SERPINA12: variants seen among roughly 807,000 people sequenced by gnomAD.
SERPINA12 encodes serpin family A member 12.
In SERPINA12, 21 loss-of-function variants were observed where a neutral mutation model predicts 25.9. The observed-to-expected ratio is 0.81, with a 90% CI of 0.58 to 1.17. The LOEUF is 1.17. Among genes scored for constraint, SERPINA12 ranks in the 50% most tolerant of loss-of-function variants. SERPINA12 has a pLI of 0.00. For synonymous variants in SERPINA12, 220 were observed against 196.0 expected, an observed-to-expected ratio of 1.12 and a Z score of -1.02; for missense variants, 562 against 508.3, an observed-to-expected ratio of 1.11 and a Z score of -1.02.
intron 1 of SERPINA12, among the ~76,000 whole-genome samples, chr14:94,499,730 C>T (rs56159143): frequency 0.029 from 4,448 of 152,180 alleles, 227 homozygotes; most frequent in African/African-American, 0.1. Flanking sequence ...CAGTTGTCTT[C>T]CCTGTAGGGA....
chr14:94,515,874 A>G (rs1901220183), exon 2 of SERPINA12: 1 of 152,232 alleles, frequency 6.6e-6, no homozygotes, highest in Admixed American at 6.5e-5. Context: ...TCGTCTGCTG[A>G]ATTTGGATAA....
rs147963234 is a variant in SERPINA12, at chr14:94,497,263, A to G, written c.634+501T>C. Among the ~76,000 whole-genome samples, 14 of 152,362 alleles carry G rather than the reference A, an allele frequency of 9.2e-5. No homozygotes were observed. The East Asian group carries it at 2.7e-3, about 29-fold the overall frequency. ...ATAAAGTCTGATAAGGAGAATTTATATAATACATACATAAGGAGACCCACC... is the reference window on the plus strand; with the variant it reads ...ATAAAGTCTGATAAGGAGAATTTATGTAATACATACATAAGGAGACCCACC... On this transcript the variant is annotated intron_variant, in intron 2 of 4. Coordinates refer to ENST00000677451, the MANE Select transcript of SERPINA12 (RefSeq NM_001382267.1).
upstream of SERPINA12, among the ~76,000 whole-genome samples, chr14:94,510,700 C>T (rs1410348832): frequency 6.6e-6 from 1 of 152,124 alleles, no homozygotes; most frequent in Non-Finnish European, 1.5e-5. Flanking sequence ...ACCTAAGTGC[C>T]CATCAAACAA....
chr14:94,508,844 C>A (rs1901023322), intron 1 of SERPINA12, among the ~76,000 whole-genome samples: 1 of 152,110 alleles, frequency 6.6e-6, no homozygotes, highest in Admixed American at 6.5e-5. Flanking sequence ...GGGTGGGGGC[C>A]AGCTTTGATT....
chr14:94,498,064 G>A lies in SERPINA12; in HGVS notation c.334C>T (p.Leu112Phe), dbSNP rs758866933. 4 of 1,614,076 alleles carry A rather than the reference G, an allele frequency of 2.5e-6. No homozygotes were observed. In the African/African-American group the frequency reaches 5.3e-5, roughly 22 times the overall value. The stretch of plus-strand genomic sequence containing the variant: ...ATGATGTAATGGAAGCCCTCATGAA[G>A]ATCTTTTTCTGGCATCTTTCTGAAG... ...FNFRKMPEKD[L>F]HEGFHYIIHE... The change falls in exon 2 of 5, where the codon CTT (leucine) becomes TTT (phenylalanine). Residue 112 changes from leucine to phenylalanine, a missense_variant. By Grantham distance (22) the Leu-to-Phe change is conservative. Transcript: ENST00000677451.
chr14:94,491,412 G>A (rs1055895655), intron 3 of SERPINA12, among the ~76,000 whole-genome samples: 6 of 152,154 alleles, frequency 3.9e-5, no homozygotes, highest in Admixed American at 6.5e-5. Flanking sequence ...AGTCACTGTC[G>A]GGTTTTGAAC....
intron 4 of SERPINA12, among the ~76,000 whole-genome samples, chr14:94,489,238 AAG>A (rs547216186): frequency 7.0e-4 from 106 of 151,946 alleles, no homozygotes; most frequent in Non-Finnish European, 1.3e-3. Context: ...AGAGGAAAGA[AAG>A]AGAGAGAGAA....
chr14:94,511,236 T>TACAC (rs377120399), upstream of SERPINA12: 223 of 190,532 alleles, frequency 1.2e-3, 1 homozygote, highest in Non-Finnish European at 1.6e-3. Context: ...ACACCTCATG[T>TACAC]ACACACACAC....
intron 1 of SERPINA12, among the ~76,000 whole-genome samples, chr14:94,500,656 G>A (rs1020712240): frequency 7.2e-5 from 11 of 152,100 alleles, no homozygotes; most frequent in East Asian, 1.9e-4. Flanking sequence ...AGGAAGGCAC[G>A]GCAGGCAGGG....
intron 1 of SERPINA12, among the ~76,000 whole-genome samples, chr14:94,500,618 CCTGT>C (rs533480410): frequency 6.6e-6 from 1 of 152,142 alleles, no homozygotes; most frequent in Non-Finnish European, 1.5e-5. Flanking sequence ...GGGGTGCTGG[CCTGT>C]CTCTTTCCTG....
At chr14:94,491,407 C>T (rs1782329172) in intron 3 of SERPINA12, among the ~76,000 whole-genome samples, 1 of 151,886 alleles carries the variant, frequency 6.6e-6, no homozygotes, top group South Asian at 2.1e-4. Context: ...TGGGGAGTCA[C>T]TGTCGGGTTT....
chr14:94,493,768 T>G (rs1410220780), intron 3 of SERPINA12, among the ~76,000 whole-genome samples: 1 of 152,224 alleles, frequency 6.6e-6, no homozygotes, highest in Non-Finnish European at 1.5e-5. Flanking sequence ...TTCCCAAACC[T>G]CCAGGAAGTC....
upstream of SERPINA12, chr14:94,510,220 T>C (rs1296792707): frequency 1.2e-5 from 12 of 985,294 alleles, no homozygotes; most frequent in Non-Finnish European, 1.2e-5. Flanking sequence ...GCCAAACTAT[T>C]GGAAGTCATG....
At chr14:94,510,735 T>C (rs1023998960), upstream of SERPINA12, among the ~76,000 whole-genome samples, 4 of 152,232 alleles carry the variant, frequency 2.6e-5, no homozygotes, top group African/African-American at 7.2e-5. Context: ...AAATGTGGTA[T>C]ATACACACCA....
At chr14:94,491,507 G>A (rs1227389909) in intron 3 of SERPINA12, among the ~76,000 whole-genome samples, 1 of 152,122 alleles carries the variant, frequency 6.6e-6, no homozygotes, top group Admixed American at 6.5e-5. Context: ...GTGGTGGTGT[G>A]TGTAGTGGGG....
intron 3 of SERPINA12, among the ~76,000 whole-genome samples, chr14:94,494,781 A>C (rs1468807776): frequency 6.6e-6 from 1 of 152,234 alleles, no homozygotes; most frequent in African/African-American, 2.4e-5. Context: ...GTGCTAAGGC[A>C]CATTTAATTC....
At chr14:94,515,146 T>C (rs1374114569) in intron 2 of SERPINA12, among the ~76,000 whole-genome samples, 1 of 152,110 alleles carries the variant, frequency 6.6e-6, no homozygotes, top group East Asian at 1.9e-4. Context: ...GGCCTGAAGG[T>C]GACATGCCTG....
upstream of SERPINA12, among the ~76,000 whole-genome samples, chr14:94,512,821 T>C (rs1901143526): frequency 6.6e-6 from 1 of 152,232 alleles, no homozygotes; most frequent in Non-Finnish European, 1.5e-5. Flanking sequence ...TTTTGTGTGC[T>C]ATTATATAGT....
chr14:94,515,772 T>C (rs891563172), intron 2 of SERPINA12: 2 of 152,052 alleles, frequency 1.3e-5, no homozygotes, highest in African/African-American at 4.8e-5. Flanking sequence ...TGCTGTGGAT[T>C]TTGAGTTGAG....
Sources: allele counts gnomAD v4.1 joint callset (sites outside exome capture counted in the v4.1 genomes callset), GRCh38; gene constraint gnomAD v4.1.1; transcripts MANE v1.5; gene names NCBI Gene and HGNC (gene_info 2026-07-23, HGNC 2026-07-21).